ARID5B: variants seen among roughly 807,000 people sequenced by gnomAD.
The protein encoded by ARID5B is AT-rich interactive domain-containing protein 5B.
A neutral mutation model predicts 97.2 loss-of-function variants in ARID5B; 13 were observed. That is an observed-to-expected ratio of 0.13 (90% CI 0.09 to 0.21). The LOEUF is 0.21. Ranked by LOEUF, ARID5B falls within the 10% of genes least tolerant of loss-of-function variation. ARID5B has a pLI of 1.00. For missense variants in ARID5B, 1,210 were observed against 1,465.3 expected (o/e 0.83, Z 2.84); for synonymous variants, 556 against 570.3 (o/e 0.97, Z 0.36).
chr10:62,060,066 A>C (rs1429045590), intron 7 of ARID5B, among the ~76,000 whole-genome samples: 2 of 152,224 alleles, frequency 1.3e-5, no homozygotes, highest in Non-Finnish European at 2.9e-5. Flanking sequence ...CACAATGATC[A>C]GATTAAGTTG....
intron 7 of ARID5B, among the ~76,000 whole-genome samples, chr10:62,062,732 A>G (rs896912021): frequency 2.7e-5 from 4 of 148,794 alleles, no homozygotes; most frequent in Non-Finnish European, 5.9e-5. Flanking sequence ...GGGGAAGTGT[A>G]GAACTGTAGT....
chr10:61,920,177 C>A (rs1314972525), intron 2 of ARID5B, among the ~76,000 whole-genome samples: 1 of 151,954 alleles, frequency 6.6e-6, no homozygotes, highest in African/African-American at 2.4e-5. Flanking sequence ...TTTCTCTCTG[C>A]TTAAGCCAAG....
chr10:62,091,710 A>C lies in ARID5B; in HGVS notation c.2247A>C (p.Pro749=). The change falls in exon 10 of 10, where the codon CCA becomes CCC. Residue 749 remains proline (P), a synonymous_variant. Transcript: ENST00000279873. ...QSTDHMAVSR[P]SVIQHVQSFR... is the part of the protein sequence containing the mutation. Reference sequence around the variant, plus strand: ...CTGACCATATGGCGGTCAGCCGGCCATCAGTGATTCAGCACGTCCAGAGTT... The same window carrying C: ...CTGACCATATGGCGGTCAGCCGGCCCTCAGTGATTCAGCACGTCCAGAGTT... 1.9e-6 allele frequency: 3 copies of C among 1,614,196 alleles called. No individual in the cohort carries two copies. The highest frequency in any genetic ancestry group is 1.7e-5 in the Admixed American group (1 of 60,034).
At chr10:61,901,754 C>G (rs1174731874) in intron 1 of ARID5B, 24 bp downstream of exon 1, 3 of 1,612,506 alleles carry the variant, frequency 1.9e-6, no homozygotes, top group Admixed American at 1.7e-5. Context: ...CTCCGCTCCT[C>G]CGATCCCGGC....
At chr10:61,931,323 C>A (rs1844206167) in intron 2 of ARID5B, among the ~76,000 whole-genome samples, 1 of 152,126 alleles carries the variant, frequency 6.6e-6, no homozygotes, top group Admixed American at 6.6e-5. Flanking sequence ...AAAAATACAT[C>A]AAGCTGAACC....
intron 3 of ARID5B, among the ~76,000 whole-genome samples, chr10:61,992,500 A>G (rs1364209404): frequency 2.0e-5 from 3 of 152,246 alleles, no homozygotes; most frequent in African/African-American, 7.2e-5. Flanking sequence ...CCTCTATTTT[A>G]AGTGGTTTGC....
intron 3 of ARID5B, among the ~76,000 whole-genome samples, chr10:61,990,341 C>G (rs1838906978): frequency 6.6e-6 from 1 of 152,302 alleles, no homozygotes; most frequent in East Asian, 1.9e-4. Flanking sequence ...TTTAAAGTCA[C>G]TAAAATGAGA....
At chr10:62,057,605 T>C (rs1839873164) in intron 6 of ARID5B, among the ~76,000 whole-genome samples, 1 of 152,154 alleles carries the variant, frequency 6.6e-6, no homozygotes, top group South Asian at 2.1e-4. Flanking sequence ...TTGTCAATCT[T>C]GAGTGTCTGT....
At chr10:62,050,494 C>G (rs1839772395) in intron 4 of ARID5B, among the ~76,000 whole-genome samples, 1 of 152,188 alleles carries the variant, frequency 6.6e-6, no homozygotes, top group South Asian at 2.1e-4. Flanking sequence ...GCAGGCATGT[C>G]ACTTAGGTTT....
At chr10:61,956,274 A>G (rs1479708608) in intron 3 of ARID5B, among the ~76,000 whole-genome samples, 1 of 152,174 alleles carries the variant, frequency 6.6e-6, no homozygotes, top group African/African-American at 2.4e-5. Context: ...TGAACTGTGC[A>G]TGCACGTGAT....
At chr10:61,999,207 C>T (rs1017195582) in intron 3 of ARID5B, among the ~76,000 whole-genome samples, 10 of 152,170 alleles carry the variant, frequency 6.6e-5, no homozygotes, top group Admixed American at 2.0e-4. Context: ...GAGCAGATGG[C>T]GATGCATTTT....
chr10:62,024,778 T>C, intron 4 of ARID5B: 1 of 392,158 alleles, frequency 2.5e-6, no homozygotes. Context: ...TTGATTGAGT[T>C]TCCACTAGAG....
chr10:61,932,225 T>A (rs1390110287), intron 2 of ARID5B, among the ~76,000 whole-genome samples: 3 of 152,108 alleles, frequency 2.0e-5, no homozygotes, highest in Non-Finnish European at 4.4e-5. Context: ...AAAAAGTACA[T>A]ACCATAATTT....
chr10:62,040,494 T>C (rs1186833281), intron 4 of ARID5B, among the ~76,000 whole-genome samples: 1 of 152,222 alleles, frequency 6.6e-6, no homozygotes, highest in African/African-American at 2.4e-5. Context: ...AATCTTGTTC[T>C]GTCTGCTCCT....
chr10:62,061,980 T>A (rs1439765063), intron 7 of ARID5B, among the ~76,000 whole-genome samples: 1 of 152,214 alleles, frequency 6.6e-6, no homozygotes, highest in East Asian at 1.9e-4. Flanking sequence ...TCTTCCTTTT[T>A]CTTTCTTTCT....
At chr10:62,041,059 C>T (rs549489657) in intron 4 of ARID5B, among the ~76,000 whole-genome samples, 7 of 152,292 alleles carry the variant, frequency 4.6e-5, no homozygotes, top group Non-Finnish European at 7.4e-5. Flanking sequence ...TGCCCCACGG[C>T]TTATAATCTG....
At chr10:62,086,266 C>A (rs7913651) in intron 9 of ARID5B, among the ~76,000 whole-genome samples, 122,115 of 152,148 alleles carry the variant, frequency 0.8, 49,636 homozygotes, top group Middle Eastern at 0.93. Context: ...CTCCACAGCC[C>A]GTCTATCTGA....
At chr10:61,918,815 C>A (rs1471507372) in intron 2 of ARID5B, among the ~76,000 whole-genome samples, 1 of 144,864 alleles carries the variant, frequency 6.9e-6, no homozygotes, top group Non-Finnish European at 1.6e-5. Flanking sequence ...GGGCAGATCA[C>A]TTGAGGTTAG....
chr10:62,009,626 G>C (rs569134426), intron 4 of ARID5B, among the ~76,000 whole-genome samples: 6 of 152,276 alleles, frequency 3.9e-5, no homozygotes, highest in African/African-American at 1.4e-4. Flanking sequence ...ACCCCAAGGG[G>C]CATGCTTTTC....
Sources: gnomAD v4.1 joint callset for allele counts (sites outside exome capture counted in the v4.1 genomes callset) on GRCh38, gnomAD v4.1.1 for gene constraint, MANE v1.5 for transcripts, NCBI Gene and HGNC (gene_info 2026-07-23, HGNC 2026-07-21) for gene names.